IL17RA: variants seen among roughly 807,000 people sequenced by gnomAD.
IL17RA encodes the protein interleukin 17 receptor A.
Under a neutral mutation model 50.4 loss-of-function variants are expected in IL17RA, and 34 were observed. The ratio of observed to expected loss-of-function variants is 0.67; its 90% CI spans 0.51 to 0.90. The LOEUF (loss-of-function observed/expected upper bound fraction) is 0.90, where lower values mean the gene tolerates loss of function less well. Among genes scored for constraint, IL17RA ranks in the 40% least tolerant of loss-of-function variants. The pLI, the probability that IL17RA is intolerant of heterozygous loss-of-function variation, is 0.00. For synonymous variants in IL17RA, 585 were observed against 510.4 expected (o/e 1.15, Z -1.97); for missense variants, 1,276 against 1,169.8 (o/e 1.09, Z -1.32).
Position 17,115,639 on chromosome 22 carries a change from C to T in IL17RA, c.*5819C>T, listed in dbSNP as rs1555875499. On this transcript the variant is annotated 3_prime_UTR_variant, in exon 13 of 13. Transcript: ENST00000319363. ...TTTATTTTGGTGCAGGCCCAGTGTT[C>T]TTGCTTAGACTTAATACTACCCTTC... The T allele has an allele frequency of 6.6e-6, 1 of 151,856 alleles. No homozygotes were observed. The highest frequency in any genetic ancestry group is 1.5e-5 in the Non-Finnish European group (1 of 68,010). 9.4% of individuals were successfully genotyped at this position (151,856 alleles called of 1,614,324 possible). A position where few individuals can be genotyped will look rare whatever the true frequency, so the allele number is the denominator to read the frequency against.
Position 17,100,959 on chromosome 22 carries a change from T to C in IL17RA, c.550+478T>C, listed in dbSNP as rs190630715. On this transcript the variant is annotated intron_variant, in intron 5 of 12. Transcript: ENST00000319363. ...CCATGCCTATCCACACTGCCTGTGA[T>C]TACCGCCAGGCTTTTCTTCTCAGGC... Among the ~76,000 whole-genome samples the C allele has an allele frequency of 3.2e-4, 49 of 152,342 alleles. 1 individual carries two copies. The East Asian group carries it at 9.1e-3, about 28-fold the overall frequency.
At chr22:17,087,300 T>G (rs1205157048) in intron 1 of IL17RA, among the ~76,000 whole-genome samples, 1 of 152,206 alleles carries the variant, frequency 6.6e-6, no homozygotes, top group East Asian at 1.9e-4. Context: ...CAGTCGGGCT[T>G]TGAGGCTGCC....
Position 17,109,189 on chromosome 22 carries a change from G to T in IL17RA, c.1970G>T (p.Arg657Leu), listed in dbSNP as rs1341181529. Residue 657 changes from arginine (R) to leucine (L), a missense_variant, in exon 13 of 13, where the codon CGG (arginine) becomes CTG (leucine). Arg to Leu is a moderately radical substitution (Grantham distance 102, BLOSUM62 -2). Coordinates refer to ENST00000319363, the MANE Select transcript of IL17RA (RefSeq NM_014339.7). ...AAGCTGGAACCTCACCTGCAGCCCC[G>T]GGGTCAGCCAGCGCCGCAGCCCCTC... The part of the protein sequence containing the change: ...VAKLEPHLQP[R>L]GQPAPQPLHT... 1 of 1,519,092 alleles carries T rather than the reference G, an allele frequency of 6.6e-7. No individual in the cohort carries two copies. The highest frequency in any genetic ancestry group is 1.4e-5 in the African/African-American group (1 of 72,762). 94.1% of individuals were successfully genotyped at this position (1,519,092 alleles called of 1,614,324 possible). A position where few individuals can be genotyped will look rare whatever the true frequency, so the allele number is the denominator to read the frequency against.
intron 1 of IL17RA, among the ~76,000 whole-genome samples, chr22:17,089,036 T>G (rs1202685837): frequency 6.6e-6 from 1 of 152,086 alleles, no homozygotes; most frequent in Admixed American, 6.6e-5. Context: ...CTTCAAATGA[T>G]CTACCTGCCT....
Position 17,111,558 on chromosome 22 carries a change from G to GCTAC in IL17RA, c.*1738_*1739insCTAC. On this transcript the variant is annotated 3_prime_UTR_variant, in exon 13 of 13. Coordinates refer to ENST00000319363, the MANE Select transcript of IL17RA (RefSeq NM_014339.7). ...GTTCCTGAAGTACCTCCTGGGGGTA[G>GCTAC]GCTAGAGGCTTCTGGCTTCAGGGTC... 1 of 152,350 alleles carries GCTAC rather than the reference G, an allele frequency of 6.6e-6. No individual in the cohort carries two copies. Among genetic ancestry groups the GCTAC allele is most frequent in the South Asian group, 2.1e-4 (1 of 4,832 alleles). 9.4% of individuals were successfully genotyped at this position (152,350 alleles called of 1,614,324 possible). A position where few individuals can be genotyped will look rare whatever the true frequency, so the allele number is the denominator to read the frequency against.
chr22:17,105,744 G>A (rs1263461290), intron 10 of IL17RA, 109 bp from the exon 11 acceptor site: 14 of 1,385,248 alleles, frequency 1.0e-5, no homozygotes, highest in South Asian at 4.6e-5. Flanking sequence ...ATGGTTTGTC[G>A]TGGTGGGGCC....
intron 4 of IL17RA, among the ~76,000 whole-genome samples, chr22:17,099,983 G>A (rs1007203767): frequency 1.2e-4 from 18 of 152,042 alleles, no homozygotes. Flanking sequence ...CCTGCCTGGC[G>A]TGTGCCAGAT....
chr22:17,091,088 T>C (rs1370655162), intron 1 of IL17RA, among the ~76,000 whole-genome samples: 4 of 152,206 alleles, frequency 2.6e-5, no homozygotes, highest in Non-Finnish European at 4.4e-5. Context: ...CCTGTCATGG[T>C]CTAATCTCCC....
At chr22:17,096,116 G>A (rs909761045) in intron 1 of IL17RA, among the ~76,000 whole-genome samples, 13 of 152,180 alleles carry the variant, frequency 8.5e-5, no homozygotes, top group African/African-American at 3.1e-4. Context: ...TTGCCAGTTA[G>A]AGAACTGGAG....
At chr22:17,103,225 C>T (rs1289342034) in intron 7 of IL17RA, among the ~76,000 whole-genome samples, 1 of 152,182 alleles carries the variant, frequency 6.6e-6, no homozygotes, top group Non-Finnish European at 1.5e-5. Flanking sequence ...CAACTGGTGT[C>T]CATGAACACA....
Position 17,108,985 on chromosome 22 carries a change from A to G in IL17RA, c.1766A>G (p.Asn589Ser). ...TGTCCCGACTGGTTCGAATGTGAGA[A>G]CCTCTACTCAGCAGATGACCAGGAT... ...VRCPDWFECE[N>S]LYSADDQDAP... Residue 589 changes from asparagine to serine, a missense_variant, in exon 13 of 13, where the codon AAC becomes AGC. Coordinates refer to ENST00000319363, the MANE Select transcript of IL17RA (RefSeq NM_014339.7). 6.2e-7 allele frequency: 1 copy of G among 1,603,226 alleles called. No individual in the cohort carries two copies. The highest frequency in any genetic ancestry group is 8.5e-7 in the Non-Finnish European group (1 of 1,179,076).
intron 11 of IL17RA, among the ~76,000 whole-genome samples, chr22:17,106,251 T>C (rs1416024580): frequency 6.6e-6 from 1 of 152,204 alleles, no homozygotes; most frequent in African/African-American, 2.4e-5. Flanking sequence ...TCAGGAATGA[T>C]CATCCAGGCA....
rs1488335574 is a variant in IL17RA, at chr22:17,109,265, G to A, written c.2046G>A (p.Glu682=). 6.6e-7 allele frequency: 1 copy of A among 1,505,160 alleles called. No homozygotes were observed. The highest frequency in any genetic ancestry group is 8.8e-7 in the Non-Finnish European group (1 of 1,132,348). 93.2% of individuals were successfully genotyped at this position (1,505,160 alleles called of 1,614,324 possible). ...AEEGALVAAV[E]PGPLADGAAV... Reference sequence around the variant, plus strand: ...AGGGGGCCCTGGTGGCCGCGGTGGAGCCTGGGCCCCTGGCTGACGGTGCCG... The same window carrying A: ...AGGGGGCCCTGGTGGCCGCGGTGGAACCTGGGCCCCTGGCTGACGGTGCCG... Residue 682 remains glutamate, a synonymous_variant, in exon 13 of 13, where the codon GAG becomes GAA. Coordinates refer to ENST00000319363, the MANE Select transcript of IL17RA (RefSeq NM_014339.7).
chr22:17,094,691 C>A (rs8137190), intron 1 of IL17RA, among the ~76,000 whole-genome samples: 11,457 of 24,532 alleles, frequency 0.47, 3,549 homozygotes, highest in Non-Finnish European at 0.55. Context: ...CTCTCTCTCT[C>A]TATATATATA....
At position 17,109,398 on chromosome 22, in the gene IL17RA, C is replaced by A. The variant is rs780129444; in HGVS notation, c.2179C>A (p.Pro727Thr). ...LFLPVDPEDS[P>T]LGSSTPMASP... is the part of the protein sequence containing the mutation. ...CCTCCCCGTGGACCCCGAGGACTCG[C>A]CCCTTGGCAGCAGCACCCCCATGGC... is the stretch of plus-strand genomic sequence containing the variant. The change falls in exon 13 of 13, where the codon CCC becomes ACC. Residue 727 changes from proline (P) to threonine (T), a missense_variant. By Grantham distance (38) the Pro-to-Thr change is conservative (BLOSUM62 -1). Transcript: ENST00000319363. 6 of 1,612,912 alleles carry A rather than the reference C, an allele frequency of 3.7e-6. No homozygotes were observed. In the Admixed American group the frequency reaches 5.0e-5, roughly 13 times the overall value.
In IL17RA at chr22:17,113,261, A is replaced by G. The variant is rs1181878602; in HGVS notation, c.*3441A>G. On this transcript the variant is annotated 3_prime_UTR_variant, in exon 13 of 13. Coordinates refer to ENST00000319363, the MANE Select transcript of IL17RA (RefSeq NM_014339.7). ...CAGGCTGTATTACAGTGGTGCAATCATGGCTCACTGCAGCCTCGACCTCCC... is the reference window on the plus strand; with the variant it reads ...CAGGCTGTATTACAGTGGTGCAATCGTGGCTCACTGCAGCCTCGACCTCCC... 6.6e-6 allele frequency: 1 copy of G among 152,200 alleles called. No homozygotes were observed. Among genetic ancestry groups the G allele is most frequent in the African/African-American group, 2.4e-5 (1 of 41,430 alleles). The allele number at this position is 152,200 out of a possible 1,614,324, so 9.4% of individuals were successfully genotyped here.
intron 1 of IL17RA, among the ~76,000 whole-genome samples, chr22:17,089,949 A>G (rs1438503744): frequency 6.6e-6 from 1 of 151,614 alleles, no homozygotes. Context: ...AAGACAAGAT[A>G]TGTCTTAGTA....
Position 17,108,672 on chromosome 22 carries a change from A to C in IL17RA, c.1453A>C (p.Met485Leu), listed in dbSNP as rs2061424795. ...VGDLFTAAMN[M>L]ILPDFKRPAC... is the part of the protein sequence containing the mutation. ...GGACCTGTTCACTGCAGCCATGAAC[A>C]TGATCCTCCCGGACTTCAAGAGGCC... is the stretch of plus-strand genomic sequence containing the variant. Residue 485 changes from methionine to leucine, a missense_variant, in exon 13 of 13, where the codon ATG (methionine) becomes CTG (leucine). By Grantham distance (15) the Met-to-Leu change is conservative. Coordinates refer to ENST00000319363, the MANE Select transcript of IL17RA (RefSeq NM_014339.7). 1 of 1,608,222 alleles carries C rather than the reference A, an allele frequency of 6.2e-7. No individual in the cohort carries two copies.
rs2061436175 is a variant in IL17RA at position 17,110,395 on chromosome 22, G to A, written c.*575G>A. ...TGCCTGTAGTCCTAGCTACTTGGGA[G>A]GCTGAGGCAGGAGAATTGCTTGAAT... On this transcript the variant is annotated 3_prime_UTR_variant, in exon 13 of 13. Coordinates refer to ENST00000319363, the MANE Select transcript of IL17RA (RefSeq NM_014339.7). 6.2e-6 allele frequency: 1 copy of A among 162,478 alleles called. No individual in the cohort carries two copies. Among genetic ancestry groups the A allele is most frequent in the Non-Finnish European group, 1.4e-5 (1 of 73,526 alleles). The allele number at this position is 162,478 out of a possible 1,614,324, so 10.1% of individuals were successfully genotyped here.
Sources: allele counts gnomAD v4.1 joint callset (sites outside exome capture counted in the v4.1 genomes callset), GRCh38; gene constraint gnomAD v4.1.1; transcripts MANE v1.5; gene names NCBI Gene and HGNC (gene_info 2026-07-23, HGNC 2026-07-21).